DSCAM: variants seen among roughly 807,000 people sequenced by gnomAD.
DSCAM encodes the protein DS cell adhesion molecule, also known as cell adhesion molecule DSCAM.
In DSCAM, 47 loss-of-function variants were observed where a neutral mutation model predicts 217.7. The ratio of observed to expected loss-of-function variants is 0.22; its 90% confidence interval spans 0.17 to 0.28. The LOEUF is 0.28. DSCAM is among the 10% of genes least tolerant of loss of function. The pLI is 1.00. For synonymous variants in DSCAM, 1,056 were observed against 1,015.3 expected, an observed-to-expected ratio of 1.04 and a Z score of -0.76; for missense variants, 2,080 against 2,618.3, an observed-to-expected ratio of 0.79 and a Z score of 4.49.
In DSCAM at chr21:40,508,759, A is replaced by T. The variant is rs1445991741; in HGVS notation, c.509-139514T>A. Among the ~76,000 whole-genome samples, 36 of 5,556 alleles carry T rather than the reference A, an allele frequency of 6.5e-3. 2 individuals are homozygous for T. Among genetic ancestry groups the T allele is most frequent in the South Asian group, 0.022 (4 of 182 alleles). The allele number at this position is 5,556 out of a possible 152,430, so 3.6% of individuals were successfully genotyped here. On this transcript the variant is annotated intron_variant, in intron 3 of 32. Transcript: ENST00000400454. Reference sequence around the variant, plus strand: ...AATATATATATATATATATATATATATATATATATATATATATATATATAT... The same window carrying T: ...AATATATATATATATATATATATATTTATATATATATATATATATATATAT...
At chr21:40,668,095 G>A (rs2090225286) in intron 3 of DSCAM, among the ~76,000 whole-genome samples, 2 of 152,180 alleles carry the variant, frequency 1.3e-5, no homozygotes, top group African/African-American at 4.8e-5. Flanking sequence ...AAATACAGTT[G>A]CTAGAGCTCC....
At position 40,617,468 on chromosome 21, in the gene DSCAM, C is replaced by G. The variant is rs2089418440; in HGVS notation, c.508+75342G>C. Among the ~76,000 whole-genome samples the G allele has an allele frequency of 2.0e-5, 3 of 152,046 alleles. No homozygotes were observed. The South Asian group carries it at 6.2e-4, about 32-fold the overall frequency. ...ATGTTGCTGCTGCCATCACAGAACA[C>G]CAGAGGCCACAATCTACCCCCTCCC... On this transcript the variant is annotated intron_variant, in intron 3 of 32. Transcript: ENST00000400454.
intron 32 of DSCAM, among the ~76,000 whole-genome samples, chr21:40,021,873 G>A (rs924752027): frequency 2.0e-5 from 3 of 152,110 alleles, no homozygotes; most frequent in Non-Finnish European, 2.9e-5. Flanking sequence ...CTCCACTAAC[G>A]GTGCATTAGA....
At chr21:40,433,760 T>C (rs1234528469) in intron 3 of DSCAM, among the ~76,000 whole-genome samples, 1 of 152,052 alleles carries the variant, frequency 6.6e-6, no homozygotes, top group Non-Finnish European at 1.5e-5. Context: ...TCACCTGAGG[T>C]AGATGATGTC....
chr21:40,167,517 T>C (rs2090610525), intron 15 of DSCAM, among the ~76,000 whole-genome samples: 1 of 152,182 alleles, frequency 6.6e-6, no homozygotes, highest in Non-Finnish European at 1.5e-5. Flanking sequence ...TATCATGGTA[T>C]TCCTTCTCAC....
intron 3 of DSCAM, among the ~76,000 whole-genome samples, chr21:40,626,829 G>A (rs143268463): frequency 7.2e-5 from 11 of 152,302 alleles, no homozygotes; most frequent in South Asian, 6.2e-4. Flanking sequence ...CTAAAATGGC[G>A]AAGAATCAGG....
intron 1 of DSCAM, among the ~76,000 whole-genome samples, chr21:40,725,403 C>A (rs1245028044): frequency 2.0e-5 from 3 of 152,194 alleles, no homozygotes; most frequent in South Asian, 2.1e-4. Context: ...ACTCTTCTAT[C>A]TTCCCAGAGG....
At chr21:40,256,813 A>G (rs1427983191) in intron 11 of DSCAM, among the ~76,000 whole-genome samples, 1 of 152,164 alleles carries the variant, frequency 6.6e-6, no homozygotes, top group African/African-American at 2.4e-5. Context: ...CATACAATTA[A>G]CCATCACAAA....
intron 1 of DSCAM, among the ~76,000 whole-genome samples, chr21:40,753,072 T>C (rs1203266845): frequency 6.6e-6 from 1 of 152,198 alleles, no homozygotes; most frequent in Non-Finnish European, 1.5e-5. Context: ...CTTTTTCTTC[T>C]AACACCTCAA....
chr21:40,505,639 CA>C (rs1266928730), intron 3 of DSCAM, among the ~76,000 whole-genome samples: 1 of 152,184 alleles, frequency 6.6e-6, no homozygotes, highest in Non-Finnish European at 1.5e-5. Flanking sequence ...CACCTGTTTA[CA>C]GGGACTCTTA....
At chr21:40,741,571 G>C (rs144836931) in intron 1 of DSCAM, among the ~76,000 whole-genome samples, 3 of 151,666 alleles carry the variant, frequency 2.0e-5, no homozygotes, top group African/African-American at 7.2e-5. Flanking sequence ...AGTAAGAAAA[G>C]TCACCTGTGT....
chr21:40,677,586 T>C (rs1232734137), intron 3 of DSCAM, among the ~76,000 whole-genome samples: 1 of 152,192 alleles, frequency 6.6e-6, no homozygotes, highest in Non-Finnish European at 1.5e-5. Flanking sequence ...GATATTTCCA[T>C]CTATTAAAAA....
chr21:40,757,074 G>T (rs1317838980), intron 1 of DSCAM, among the ~76,000 whole-genome samples: 1 of 151,958 alleles, frequency 6.6e-6, no homozygotes, highest in East Asian at 1.9e-4. Context: ...GCCCAGGCTG[G>T]AGTGCAGTGG....
chr21:40,318,843 C>T (rs536236002), intron 8 of DSCAM, among the ~76,000 whole-genome samples: 9 of 152,184 alleles, frequency 5.9e-5, no homozygotes, highest in South Asian at 2.1e-4. Flanking sequence ...CCAAGCTCCC[C>T]GCGGGGTTCA....
At chr21:40,351,767 T>A (rs1050653724) in intron 5 of DSCAM, among the ~76,000 whole-genome samples, 1 of 152,002 alleles carries the variant, frequency 6.6e-6, no homozygotes, top group Non-Finnish European at 1.5e-5. Context: ...TAAAGGCTTT[T>A]AAAATATAGG....
At chr21:40,147,862 T>C (rs1467589550) in intron 16 of DSCAM, among the ~76,000 whole-genome samples, 1 of 152,196 alleles carries the variant, frequency 6.6e-6, no homozygotes, top group Non-Finnish European at 1.5e-5. Context: ...TTGGGGATAT[T>C]ATTGTTTCCA....
intron 3 of DSCAM, among the ~76,000 whole-genome samples, chr21:40,491,445 C>G (rs11911988): frequency 6.6e-6 from 1 of 151,942 alleles, no homozygotes; most frequent in East Asian, 1.9e-4. Context: ...TAGTGTTGCA[C>G]GCCACCCCCA....
intron 9 of DSCAM, among the ~76,000 whole-genome samples, chr21:40,310,467 A>C (rs2074125393): frequency 1.3e-5 from 2 of 152,226 alleles, no homozygotes; most frequent in Admixed American, 6.5e-5. Context: ...ATATTAATTT[A>C]ACTAAAGCTT....
chr21:40,429,284 G>C (rs1314711771), intron 3 of DSCAM, among the ~76,000 whole-genome samples: 1 of 150,270 alleles, frequency 6.7e-6, no homozygotes, highest in Non-Finnish European at 1.5e-5. Flanking sequence ...TTTTTTTTTG[G>C]AGACAGAGTT....
Sources: gnomAD v4.1 joint callset for allele counts (sites outside exome capture counted in the v4.1 genomes callset) on GRCh38, gnomAD v4.1.1 for gene constraint, MANE v1.5 for transcripts, NCBI Gene and HGNC (gene_info 2026-07-23, HGNC 2026-07-21) for gene names.